The following C5 variants were observed in gnomAD, a reference collection of about 807,000 sequenced individuals.
C5 encodes C3 and PZP-like alpha-2-macroglobulin domain-containing protein 4.
In C5, 140 loss-of-function variants were observed where a neutral mutation model predicts 218.8. That is an observed-to-expected ratio of 0.64 (90% CI 0.56 to 0.74). C5 has a LOEUF of 0.74. Among genes scored for constraint, C5 ranks in the 30% least tolerant of loss-of-function variants. C5 has a pLI of 0.00. For synonymous variants in C5, 614 were observed against 682.3 expected (o/e 0.90, Z 1.56); for missense variants, 1,700 against 1,969.6 (o/e 0.86, Z 2.59).
rs529977526 is a variant in C5, at chr9:120,985,468, C to T, written c.3231-2654G>A. On this transcript the variant is annotated intron_variant, in intron 25 of 40. Transcript: ENST00000223642. ...TCTCCTGGGATATACCCTAGAGAAACTCTCACACATGTGCACAAAGAGACA... is the reference window on the plus strand; with the variant it reads ...TCTCCTGGGATATACCCTAGAGAAATTCTCACACATGTGCACAAAGAGACA... 4.6e-5 allele frequency among the ~76,000 whole-genome samples: 7 copies of T among 152,092 alleles called. No individual in the cohort carries two copies. In the East Asian group the frequency reaches 9.6e-4, roughly 21 times the overall value.
At chr9:121,067,568 A>C in the C5 span, among the ~76,000 whole-genome samples, 1 of 136,330 alleles carries the variant, frequency 7.3e-6, no homozygotes, top group Non-Finnish European at 1.5e-5. Flanking sequence ...GCTCCATCTA[A>C]AAAAAAAAAA....
At chr9:120,974,713 G>C in intron 30 of C5, 66 bp downstream of exon 30, 1 of 1,351,554 alleles carries the variant, frequency 7.4e-7, no homozygotes, top group Non-Finnish European at 1.1e-6. Flanking sequence ...ATAAAATAAA[G>C]AGTGGAACAG....
chr9:121,025,360 G>T, intron 9 of C5, 94 bp downstream of exon 9: 2 of 1,267,356 alleles, frequency 1.6e-6, no homozygotes, highest in South Asian at 3.6e-5. Flanking sequence ...AATAATTATA[G>T]AAATTGGAAA....
chr9:121,049,761 G>A (rs1352255653), intron 1 of C5, among the ~76,000 whole-genome samples: 3 of 152,092 alleles, frequency 2.0e-5, no homozygotes. Flanking sequence ...TAAATGTATG[G>A]TAGAAGTCAC....
Position 120,970,383 on chromosome 9 carries a change from T to C in C5, c.4081-132A>G, listed in dbSNP as rs2046902140. On this transcript the variant is annotated intron_variant, in intron 31 of 40. Coordinates refer to ENST00000223642, the MANE Select transcript of C5 (RefSeq NM_001735.3). ...CATAATCCAGCACAAATGGTGTACA[T>C]TAGTGACTCATTTTTCCAGCAGCTG... The C allele has an allele frequency of 4.3e-5, 30 of 705,820 alleles. No individual in the cohort carries two copies. The South Asian group carries it at 4.5e-4, about 11-fold the overall frequency. 43.7% of individuals were successfully genotyped at this position (705,820 alleles called of 1,614,324 possible).
chr9:121,018,899 T>C (rs2047340165), intron 12 of C5, among the ~76,000 whole-genome samples: 1 of 152,120 alleles, frequency 6.6e-6, no homozygotes. Flanking sequence ...AGAGGAATAT[T>C]ATTCTCCTCA....
chr9:121,004,498 G>A (rs938227022), intron 20 of C5, among the ~76,000 whole-genome samples: 3 of 152,194 alleles, frequency 2.0e-5, no homozygotes, highest in Admixed American at 2.0e-4. Flanking sequence ...TCGAGCCCAG[G>A]AGCAGTTCCT....
At chr9:120,986,804 C>T (rs563461725) in intron 25 of C5, among the ~76,000 whole-genome samples, 2 of 152,062 alleles carry the variant, frequency 1.3e-5, no homozygotes, top group South Asian at 4.2e-4. Context: ...ACAGGGTCTC[C>T]CTATGTTACC....
chr9:121,003,001 A>C (rs1378158141), intron 20 of C5, among the ~76,000 whole-genome samples: 1 of 152,164 alleles, frequency 6.6e-6, no homozygotes, highest in African/African-American at 2.4e-5. Flanking sequence ...TGTAAAAATA[A>C]GATAATACTG....
In C5 at chr9:120,970,176, T is replaced by C. The variant is rs769440002; in HGVS notation, c.4156A>G (p.Ile1386Val). Residue 1386 changes from isoleucine (I) to valine (V), a missense_variant, in exon 32 of 41, where the codon ATT (isoleucine) becomes GTT (valine). By Grantham distance (29) the Ile-to-Val change is conservative (BLOSUM62 3). Coordinates refer to ENST00000223642, the MANE Select transcript of C5 (RefSeq NM_001735.3). ...TAAATCCTGCTGTTTTTACCTTCAA[T>C]ATCCTGAGTATCGATTTTCAAATAA... ...SFYLKIDTQD[I>V]EASHYRGYGN... 1 of 1,609,618 alleles carries C rather than the reference T, an allele frequency of 6.2e-7. No homozygotes were observed. The highest frequency in any genetic ancestry group is 8.5e-7 in the Non-Finnish European group (1 of 1,176,024).
At chr9:121,001,033 C>T (rs2047157153) in intron 20 of C5, among the ~76,000 whole-genome samples, 2 of 152,074 alleles carry the variant, frequency 1.3e-5, no homozygotes, top group Admixed American at 1.3e-4. Flanking sequence ...TTATAACATA[C>T]AAATTAAAAA....
intron 2 of C5, among the ~76,000 whole-genome samples, chr9:121,043,893 C>T (rs1198294651): frequency 6.6e-6 from 1 of 151,856 alleles, no homozygotes; most frequent in Non-Finnish European, 1.5e-5. Flanking sequence ...TATTTCTGCT[C>T]CCCTGAGTTG....
At position 120,957,384 on chromosome 9, in the gene C5, C is replaced by A; in HGVS notation, c.4679-16G>T. The A allele has an allele frequency of 6.3e-7, 1 of 1,595,004 alleles. No homozygotes were observed. Among genetic ancestry groups the A allele is most frequent in the South Asian group, 1.1e-5 (1 of 90,652 alleles). ...ACTTTATAAGCTGGCAAAAGACAAA[C>A]AACAATGAAACAATTCAGTCTTAAT... On this transcript the variant is annotated splice_polypyrimidine_tract_variant and intron_variant, in intron 38 of 40. Coordinates refer to ENST00000223642, the MANE Select transcript of C5 (RefSeq NM_001735.3).
intron 39 of C5, among the ~76,000 whole-genome samples, chr9:120,955,611 C>A (rs1218058194): frequency 6.6e-6 from 1 of 151,430 alleles, no homozygotes; most frequent in African/African-American, 2.4e-5. Flanking sequence ...AACTAGCCTG[C>A]AAATTAAAAA....
At chr9:121,041,969 A>T (rs1272300085) in intron 3 of C5, among the ~76,000 whole-genome samples, 1 of 152,240 alleles carries the variant, frequency 6.6e-6, no homozygotes, top group Non-Finnish European at 1.5e-5. Context: ...GTAATGGTTC[A>T]GTCCAGTTCC....
intron 5 of C5, among the ~76,000 whole-genome samples, chr9:121,033,429 G>A (rs966910732): frequency 1.3e-5 from 2 of 152,210 alleles, no homozygotes; most frequent in Non-Finnish European, 2.9e-5. Context: ...CTTCTACTCT[G>A]GGTCATAACA....
Position 120,982,647 on chromosome 9 carries a change from T to C in C5, c.3390+8A>G. The C allele has an allele frequency of 6.3e-7, 1 of 1,595,506 alleles. No individual in the cohort carries two copies. Among genetic ancestry groups the C allele is most frequent in the South Asian group, 1.1e-5 (1 of 90,572 alleles). On this transcript the variant is annotated splice_region_variant and intron_variant, in intron 26 of 40. Transcript: ENST00000223642. Reference sequence around the variant, plus strand: ...ACTATTGCTAATTTGTGCATTTGGTTTCCTTACCTGTAATTTTATTGGTTG... The same window carrying C: ...ACTATTGCTAATTTGTGCATTTGGTCTCCTTACCTGTAATTTTATTGGTTG...
At chr9:121,031,006 G>C (rs2047469582) in intron 6 of C5, among the ~76,000 whole-genome samples, 1 of 152,070 alleles carries the variant, frequency 6.6e-6, no homozygotes, top group Admixed American at 6.6e-5. Flanking sequence ...GAAGAAGGGA[G>C]ATGGGTTAGG....
At chr9:121,059,170 G>A in the C5 span, among the ~76,000 whole-genome samples, 3 of 152,196 alleles carry the variant, frequency 2.0e-5, no homozygotes, top group African/African-American at 7.2e-5. This position sits in a 1 kb window ranked among gnomAD's most constrained non-coding sequence, Gnocchi z 4.1. Flanking sequence ...GGTTGGAATA[G>A]CATGTCCCAA....
Sources: gnomAD v4.1 joint callset for allele counts (sites outside exome capture counted in the v4.1 genomes callset) on GRCh38, gnomAD v4.1.1 for gene constraint, Gnocchi (gnomAD v3.1) non-coding constraint, MANE v1.5 for transcripts, NCBI Gene and HGNC (gene_info 2026-07-23, HGNC 2026-07-21) for gene names.